MSRA: variants seen among roughly 807,000 people sequenced by gnomAD.
MSRA encodes mitochondrial peptide methionine sulfoxide reductase.
Under a neutral mutation model 31.3 loss-of-function variants are expected in MSRA, and 54 were observed. The ratio of observed to expected loss-of-function variants is 1.73; its 90% CI spans 1.39 to 2.17. MSRA has a LOEUF of 2.17. Among genes scored for constraint, MSRA ranks in the 30% most tolerant of loss-of-function variants. MSRA has a pLI of 0.00. For missense variants in MSRA, 507 were observed against 300.9 expected (o/e 1.69, Z -5.07); for synonymous variants, 169 against 116.5 (o/e 1.45, Z -2.90).
chr8:10,398,973 C>T (rs1014575247), intron 5 of MSRA, among the ~76,000 whole-genome samples: 5 of 152,124 alleles, frequency 3.3e-5, no homozygotes, highest in Non-Finnish European at 5.9e-5. Context: ...AGTGGAGGGA[C>T]GGCTCTGGGA....
chr8:10,167,717 C>A (rs1345684858), intron 1 of MSRA, among the ~76,000 whole-genome samples: 1 of 152,128 alleles, frequency 6.6e-6, no homozygotes, highest in African/African-American at 2.4e-5. Context: ...GACGGCTGAA[C>A]GTGAAACCTC....
At chr8:10,322,951 G>C (rs556405906) in intron 5 of MSRA, among the ~76,000 whole-genome samples, 1 of 152,002 alleles carries the variant, frequency 6.6e-6, no homozygotes, top group African/African-American at 2.4e-5. Context: ...TTAGCCAGGC[G>C]TGGTTACACG....
intron 3 of MSRA, among the ~76,000 whole-genome samples, chr8:10,264,547 C>T (rs1189847684): frequency 2.0e-5 from 3 of 152,172 alleles, no homozygotes; most frequent in Non-Finnish European, 4.4e-5. Context: ...CAAAGCTGCT[C>T]CCAGTGGAGC....
In MSRA at chr8:10,138,860, TAGCAGC is replaced by T. The variant is rs566252302; in HGVS notation, c.143-68959_143-68954del. 1.7e-3 allele frequency among the ~76,000 whole-genome samples: 255 copies of T among 152,142 alleles called. 1 individual carries two copies. The highest frequency in any genetic ancestry group is 2.5e-3 in the Non-Finnish European group (168 of 68,006). On this transcript the variant is annotated intron_variant, in intron 1 of 5. Coordinates refer to ENST00000317173, the MANE Select transcript of MSRA (RefSeq NM_012331.5). ...TGATTTGGATTCACTCTTAAAATGA[TAGCAGC>T]AGCAGCAGCAGCAAGACTCACAGCA...
chr8:10,222,898 G>A (rs1289111171), intron 2 of MSRA, among the ~76,000 whole-genome samples: 2 of 152,134 alleles, frequency 1.3e-5, no homozygotes, highest in Non-Finnish European at 2.9e-5. Flanking sequence ...TGGAGATCTT[G>A]GTGACTATAG....
chr8:10,413,480 T>A (rs77738498), intron 5 of MSRA, among the ~76,000 whole-genome samples: 3,859 of 152,166 alleles, frequency 0.025, 168 homozygotes, highest in African/African-American at 0.086. Context: ...ATTTTTTAAA[T>A]TGTCTGATTT....
At chr8:10,314,472 A>T (rs1801605182) in intron 4 of MSRA, among the ~76,000 whole-genome samples, 1 of 152,206 alleles carries the variant, frequency 6.6e-6, no homozygotes, top group Admixed American at 6.5e-5. Flanking sequence ...AAGCAGACTG[A>T]CAAAAAGTGA....
intron 4 of MSRA, among the ~76,000 whole-genome samples, chr8:10,316,193 C>G (rs1170567661): frequency 2.0e-5 from 3 of 151,760 alleles, no homozygotes; most frequent in Non-Finnish European, 4.4e-5. Flanking sequence ...TAGAAGAGAG[C>G]CACATAATAT....
intron 3 of MSRA, among the ~76,000 whole-genome samples, chr8:10,294,859 C>T (rs1419501821): frequency 2.0e-5 from 3 of 149,562 alleles, no homozygotes; most frequent in East Asian, 2.1e-4. Flanking sequence ...GGACCAGGGC[C>T]GGCTTGGGAG....
In MSRA at chr8:10,174,943, C is replaced by T. The variant is rs117893595; in HGVS notation, c.143-32890C>T. On this transcript the variant is annotated intron_variant, in intron 1 of 5. Transcript: ENST00000317173. ...CTTCAGCTTCCCTTCACAGCCTTGC[C>T]GATCTTGCCCCTTTCCCTGTTAATC... 8.1e-4 allele frequency among the ~76,000 whole-genome samples: 123 copies of T among 152,334 alleles called. 2 individuals carry two copies. The East Asian group carries it at 0.02, about 25-fold the overall frequency.
At chr8:10,138,247 T>C (rs1157776637) in intron 1 of MSRA, among the ~76,000 whole-genome samples, 1 of 152,196 alleles carries the variant, frequency 6.6e-6, no homozygotes, top group African/African-American at 2.4e-5. Flanking sequence ...AGGTAATTCA[T>C]TGGTGTCAGC....
intron 5 of MSRA, among the ~76,000 whole-genome samples, chr8:10,323,143 T>C (rs955594504): frequency 8.7e-5 from 13 of 150,264 alleles, no homozygotes; most frequent in Admixed American, 2.0e-4. Context: ...GAGGAACTGA[T>C]TCCTCCACTT....
chr8:10,268,643 C>A (rs1798870173), intron 3 of MSRA, among the ~76,000 whole-genome samples: 1 of 152,220 alleles, frequency 6.6e-6, no homozygotes, highest in Admixed American at 6.5e-5. Context: ...TAAAGACTTT[C>A]TTAAAAAATA....
At chr8:10,154,487 C>T (rs35665501) in intron 1 of MSRA, among the ~76,000 whole-genome samples, 18,985 of 151,928 alleles carry the variant, frequency 0.12, 1,926 homozygotes, top group East Asian at 0.49. Flanking sequence ...ATGCCATTCT[C>T]CTGCCTCAGC....
intron 1 of MSRA, among the ~76,000 whole-genome samples, chr8:10,182,115 G>C (rs1318886435): frequency 6.6e-6 from 1 of 152,312 alleles, no homozygotes; most frequent in Non-Finnish European, 1.5e-5. Flanking sequence ...CTGGGGACTA[G>C]ACAGGGAGGT....
At chr8:10,110,536 G>C (rs974286288) in intron 1 of MSRA, among the ~76,000 whole-genome samples, 1 of 152,170 alleles carries the variant, frequency 6.6e-6, no homozygotes, top group African/African-American at 2.4e-5. Context: ...TCTGGCAAGT[G>C]CCTTTGAAGA....
At chr8:10,097,198 A>G (rs1345481866) in intron 1 of MSRA, among the ~76,000 whole-genome samples, 2 of 152,240 alleles carry the variant, frequency 1.3e-5, no homozygotes, top group Non-Finnish European at 2.9e-5. Context: ...TATGAAATCT[A>G]ACAGAGGTGT....
At chr8:10,199,882 C>G (rs1178475016) in intron 1 of MSRA, among the ~76,000 whole-genome samples, 1 of 152,154 alleles carries the variant, frequency 6.6e-6, no homozygotes, top group East Asian at 1.9e-4. Context: ...AACACTAACT[C>G]CTGGCACTTA....
chr8:10,282,688 A>G lies in MSRA; in HGVS notation c.332-18846A>G, dbSNP rs541146426. ...GCAGGAAGAGTGGGGATGCCCTTGTATTCAGTATACCTCCAGACCTTATCA... is the reference window on the plus strand; with the variant it reads ...GCAGGAAGAGTGGGGATGCCCTTGTGTTCAGTATACCTCCAGACCTTATCA... On this transcript the variant is annotated intron_variant, in intron 3 of 5. Coordinates refer to ENST00000317173, the MANE Select transcript of MSRA (RefSeq NM_012331.5). Among the ~76,000 whole-genome samples the G allele has an allele frequency of 1.2e-4, 18 of 152,304 alleles. 1 individual carries two copies. Among genetic ancestry groups the G allele is most frequent in the African/African-American group, 4.3e-4 (18 of 41,574 alleles).
Sources: allele counts gnomAD v4.1 joint callset (sites outside exome capture counted in the v4.1 genomes callset), GRCh38; gene constraint gnomAD v4.1.1; transcripts MANE v1.5; gene names NCBI Gene and HGNC (gene_info 2026-07-23, HGNC 2026-07-21).